Variants in FAM13A observed in about 807,000 individuals in gnomAD.
The protein encoded by FAM13A is family with sequence similarity 13 member A.
FAM13A carries 76 observed loss-of-function variants against 129.6 expected under a neutral mutation model. That is an observed-to-expected ratio of 0.59 (90% CI 0.49 to 0.71). The LOEUF (loss-of-function observed/expected upper bound fraction) is 0.71, where lower values mean the gene tolerates loss of function less well. FAM13A is among the 30% of genes least tolerant of loss of function. FAM13A has a pLI of 0.00. For synonymous variants in FAM13A, 443 were observed against 449.9 expected, an observed-to-expected ratio of 0.98 and a Z score of 0.20; for missense variants, 1,108 against 1,249.3, an observed-to-expected ratio of 0.89 and a Z score of 1.70.
intron 3 of FAM13A, 141 bp downstream of exon 3, chr4:89,020,319 G>A: frequency 2.5e-6 from 1 of 405,772 alleles, no homozygotes. Context: ...GTCTTGCTTG[G>A]TTGCCCACGG....
intron 19 of FAM13A, among the ~76,000 whole-genome samples, chr4:88,739,777 ACT>A (rs201570226): frequency 0.16 from 19,773 of 121,612 alleles, 1,832 homozygotes; most frequent in South Asian, 0.32. Flanking sequence ...ACAGAGAAAG[ACT>A]CTGTCTCAAA....
At chr4:89,029,301 C>T (rs1485002255) in intron 2 of FAM13A, among the ~76,000 whole-genome samples, 159 bp downstream of exon 2, 1 of 152,054 alleles carries the variant, frequency 6.6e-6, no homozygotes, top group Non-Finnish European at 1.5e-5. Flanking sequence ...AGCAGTAATG[C>T]CCTTTTTTAA....
intron 6 of FAM13A, among the ~76,000 whole-genome samples, chr4:88,855,191 A>G (rs946227305): frequency 6.6e-6 from 1 of 152,214 alleles, no homozygotes; most frequent in African/African-American, 2.4e-5. Flanking sequence ...AATGAAATTC[A>G]TACTACCTAC....
At chr4:88,854,673 G>A (rs556246127) in intron 6 of FAM13A, among the ~76,000 whole-genome samples, 20 of 152,270 alleles carry the variant, frequency 1.3e-4, no homozygotes, top group African/African-American at 2.4e-5. Context: ...AAAGATCTAC[G>A]TATACGCTGT....
chr4:88,917,789 A>G (rs1338604047), intron 5 of FAM13A, among the ~76,000 whole-genome samples: 1 of 152,190 alleles, frequency 6.6e-6, no homozygotes, highest in Non-Finnish European at 1.5e-5. Context: ...CTTTGGAGGA[A>G]GATGTATTTT....
intron 2 of FAM13A, among the ~76,000 whole-genome samples, chr4:89,027,730 C>T (rs955446172): frequency 1.5e-4 from 23 of 152,024 alleles, no homozygotes; most frequent in African/African-American, 3.4e-4. Context: ...ATAAGAGTCA[C>T]CTGAACACAA....
chr4:88,802,949 T>C (rs868366748), intron 8 of FAM13A, among the ~76,000 whole-genome samples: 2 of 152,222 alleles, frequency 1.3e-5, no homozygotes, highest in Non-Finnish European at 2.9e-5. Flanking sequence ...TGATCTGCAC[T>C]CTCTGAAGAC....
Position 88,814,855 on chromosome 4 carries a change from G to A in FAM13A, c.1008-9803C>T, listed in dbSNP as rs142215752. 4.9e-3 allele frequency among the ~76,000 whole-genome samples: 747 copies of A among 151,260 alleles called. 8 individuals carry two copies. The highest frequency in any genetic ancestry group is 0.017 in the African/African-American group (705 of 41,240). On this transcript the variant is annotated intron_variant, in intron 7 of 23. Transcript: ENST00000264344. ...CAAGTTTTCTGAAGTCTTTTTTTTG[G>A]GGGGAGTGTGACAGGGTCTTAATCT... is the stretch of plus-strand genomic sequence containing the variant.
chr4:89,042,210 C>T (rs1426903551), intron 1 of FAM13A, among the ~76,000 whole-genome samples: 1 of 151,946 alleles, frequency 6.6e-6, no homozygotes, highest in Non-Finnish European at 1.5e-5. Context: ...GATACAATGA[C>T]CAATAGCCAT....
intron 7 of FAM13A, among the ~76,000 whole-genome samples, chr4:88,825,379 C>G (rs1040241253): frequency 2.0e-5 from 3 of 151,446 alleles, no homozygotes; most frequent in South Asian, 2.1e-4. Flanking sequence ...CCATGCCCCC[C>G]CTAATTTTTG....
intron 3 of FAM13A, among the ~76,000 whole-genome samples, chr4:88,991,447 A>G (rs1762913999): frequency 6.6e-6 from 1 of 151,964 alleles, no homozygotes; most frequent in African/African-American, 2.4e-5. Flanking sequence ...CAAAATAAAA[A>G]ATAATAATAA....
intron 5 of FAM13A, among the ~76,000 whole-genome samples, chr4:88,916,563 T>C (rs1424324796): frequency 6.7e-6 from 1 of 148,654 alleles, no homozygotes; most frequent in Non-Finnish European, 1.5e-5. Flanking sequence ...AGAGAGGCTC[T>C]ACTTTTTATT....
chr4:88,875,362 G>A (rs1190396993), intron 6 of FAM13A, among the ~76,000 whole-genome samples: 1 of 152,166 alleles, frequency 6.6e-6, no homozygotes, highest in Non-Finnish European at 1.5e-5. Context: ...GCAACCTACA[G>A]AATGGGAGAA....
intron 1 of FAM13A, among the ~76,000 whole-genome samples, chr4:89,055,616 A>ACC (rs1254534911): frequency 1.3e-5 from 2 of 152,130 alleles, no homozygotes; most frequent in Non-Finnish European, 2.9e-5. Flanking sequence ...CATTCTACAC[A>ACC]TTTTCAGTTC....
Position 89,014,933 on chromosome 4 carries a change from A to G in FAM13A, c.427+5527T>C, listed in dbSNP as rs189328232. ...CCTGAGAGCTGGGCAGAACAGAGCC[A>G]TATTTGTCTTCTTTCGAAAGCAATA... On this transcript the variant is annotated intron_variant, in intron 3 of 23. Transcript: ENST00000264344. 1.5e-4 allele frequency among the ~76,000 whole-genome samples: 23 copies of G among 152,366 alleles called. No individual in the cohort carries two copies. The East Asian group carries it at 3.7e-3, about 24-fold the overall frequency.
intron 6 of FAM13A, among the ~76,000 whole-genome samples, chr4:88,873,571 G>C (rs972933997): frequency 3.9e-5 from 6 of 152,022 alleles, no homozygotes; most frequent in South Asian, 2.1e-4. Flanking sequence ...GACACATACA[G>C]CCTCCCAAGA....
intron 3 of FAM13A, among the ~76,000 whole-genome samples, chr4:89,014,918 G>C (rs1438373300): frequency 6.6e-6 from 1 of 152,154 alleles, no homozygotes; most frequent in Non-Finnish European, 1.5e-5. Context: ...CCTGAGAGCT[G>C]GGCAGAACAG....
At chr4:88,735,507 G>A (rs1738804127) in intron 21 of FAM13A, among the ~76,000 whole-genome samples, 1 of 152,192 alleles carries the variant, frequency 6.6e-6, no homozygotes, top group Admixed American at 6.5e-5. Flanking sequence ...TTGGCTAGGA[G>A]AACTGATTAG....
chr4:88,734,433 AAAG>A (rs1450340759), intron 21 of FAM13A, among the ~76,000 whole-genome samples: 3 of 152,236 alleles, frequency 2.0e-5, no homozygotes, highest in Non-Finnish European at 4.4e-5. Context: ...TTGGAGTAAA[AAAG>A]CTAGATTTAG....
Sources: allele counts gnomAD v4.1 joint callset (sites outside exome capture counted in the v4.1 genomes callset), GRCh38; gene constraint gnomAD v4.1.1; transcripts MANE v1.5; gene names NCBI Gene and HGNC (gene_info 2026-07-23, HGNC 2026-07-21).